TRAPPC9: variants seen among roughly 807,000 people sequenced by gnomAD.
The protein encoded by TRAPPC9 is IKK2 binding protein.
Under a neutral mutation model 124.0 loss-of-function variants are expected in TRAPPC9, and 83 were observed. That is an observed-to-expected ratio of 0.67 (90% CI 0.56 to 0.80). TRAPPC9 has a LOEUF of 0.80. Ranked by LOEUF, TRAPPC9 falls within the 30% of genes least tolerant of loss-of-function variation. The pLI is 0.00. For missense variants in TRAPPC9, 1,302 were observed against 1,508.3 expected (o/e 0.86, Z 2.27); for synonymous variants, 638 against 617.5 (o/e 1.03, Z -0.49).
intron 19 of TRAPPC9, among the ~76,000 whole-genome samples, chr8:139,986,334 G>A (rs1837238722): frequency 1.3e-5 from 2 of 152,176 alleles, no homozygotes; most frequent in South Asian, 4.1e-4. Context: ...AAACATGGAT[G>A]TGGAATGATA....
At chr8:139,823,663 A>G (rs1825414012) in intron 21 of TRAPPC9, among the ~76,000 whole-genome samples, 1 of 152,148 alleles carries the variant, frequency 6.6e-6, no homozygotes, top group South Asian at 2.1e-4. Flanking sequence ...GACCTATAAA[A>G]AGCCTTGTCT....
At chr8:139,763,716 G>A (rs574690403) in intron 21 of TRAPPC9, among the ~76,000 whole-genome samples, 3 of 152,248 alleles carry the variant, frequency 2.0e-5, no homozygotes, top group Non-Finnish European at 4.4e-5. Context: ...GGTAAGCGGG[G>A]ACAGGATAAA....
chr8:139,967,443 G>T (rs1039928208), intron 19 of TRAPPC9, among the ~76,000 whole-genome samples: 2 of 152,246 alleles, frequency 1.3e-5, no homozygotes, highest in African/African-American at 4.8e-5. Context: ...ATCAGGGTTC[G>T]AATGACTCGA....
At chr8:140,191,315 G>C (rs2062487880) in intron 17 of TRAPPC9, among the ~76,000 whole-genome samples, 1 of 152,210 alleles carries the variant, frequency 6.6e-6, no homozygotes, top group African/African-American at 2.4e-5. Flanking sequence ...ACTAATAGTG[G>C]TGAAGTCAGG....
At chr8:140,290,372 C>T (rs937558489) in intron 12 of TRAPPC9, among the ~76,000 whole-genome samples, 6 of 152,214 alleles carry the variant, frequency 3.9e-5, no homozygotes, top group African/African-American at 1.4e-4. Context: ...GGACCTACAT[C>T]GGCATGGGAG....
chr8:140,241,858 G>A lies in TRAPPC9; in HGVS notation c.2431+10919C>T, dbSNP rs758885817. 2.0e-4 allele frequency among the ~76,000 whole-genome samples: 30 copies of A among 152,126 alleles called. No homozygotes were observed. The highest frequency in any genetic ancestry group is 3.7e-4 in the Non-Finnish European group (25 of 68,022). On this transcript the variant is annotated intron_variant, in intron 16 of 22. Coordinates refer to ENST00000438773, the MANE Select transcript of TRAPPC9 (RefSeq NM_001160372.4). This position sits in a 1 kb window ranked among gnomAD's most constrained non-coding sequence, Gnocchi z 5.0. ...GCCTTCCGTCCCTCACTTGCTTAAC[G>A]TATGCCAAGAAGCTGCTCTGACCAG...
At chr8:140,120,488 T>G (rs2060963256) in intron 17 of TRAPPC9, among the ~76,000 whole-genome samples, 1 of 152,224 alleles carries the variant, frequency 6.6e-6, no homozygotes, top group South Asian at 2.1e-4. Flanking sequence ...ACAGCTTTTC[T>G]GCAATACTCT....
chr8:139,748,909 C>T (rs1352299797), intron 21 of TRAPPC9, among the ~76,000 whole-genome samples: 1 of 152,148 alleles, frequency 6.6e-6, no homozygotes, highest in Non-Finnish European at 1.5e-5. Context: ...ATTTCTAGAC[C>T]TTGAACTCTG....
intron 21 of TRAPPC9, among the ~76,000 whole-genome samples, chr8:139,735,196 T>C (rs1430261065): frequency 6.6e-6 from 1 of 152,166 alleles, no homozygotes; most frequent in Non-Finnish European, 1.5e-5. Context: ...CCCCAGGGTA[T>C]GTCACTACAC....
intron 4 of TRAPPC9, among the ~76,000 whole-genome samples, chr8:140,432,035 A>C (rs1368806730): frequency 2.6e-5 from 4 of 152,204 alleles, no homozygotes; most frequent in Non-Finnish European, 5.9e-5. Flanking sequence ...TCCAAATATA[A>C]TGGGCATAGT....
chr8:139,864,466 T>C (rs1828390883), intron 21 of TRAPPC9, among the ~76,000 whole-genome samples: 1 of 152,216 alleles, frequency 6.6e-6, no homozygotes. Flanking sequence ...CTTTTGAAAT[T>C]CATTTTCTCA....
intron 17 of TRAPPC9, among the ~76,000 whole-genome samples, chr8:140,184,503 T>G (rs1179833566): frequency 6.6e-6 from 1 of 152,162 alleles, no homozygotes; most frequent in African/African-American, 2.4e-5. Context: ...TGCCACAACC[T>G]CGGCTCACTG....
intron 18 of TRAPPC9, among the ~76,000 whole-genome samples, chr8:139,992,083 T>C (rs1837686501): frequency 1.3e-5 from 2 of 152,156 alleles, no homozygotes; most frequent in Admixed American, 6.5e-5. Flanking sequence ...AAAAAGATTG[T>C]TGAATAAAAG....
At chr8:140,376,833 C>T (rs1288748662) in intron 7 of TRAPPC9, among the ~76,000 whole-genome samples, 2 of 148,412 alleles carry the variant, frequency 1.3e-5, no homozygotes, top group Non-Finnish European at 3.0e-5. Context: ...ACCGAGATCG[C>T]GCCACTGCAC....
intron 21 of TRAPPC9, among the ~76,000 whole-genome samples, chr8:139,775,758 G>A (rs1366322121): frequency 1.3e-5 from 2 of 152,220 alleles, no homozygotes; most frequent in Non-Finnish European, 2.9e-5. Context: ...ACAAGGTGAA[G>A]CCCAAATTCT....
chr8:140,203,333 G>A (rs774601066), intron 17 of TRAPPC9, among the ~76,000 whole-genome samples: 7 of 152,210 alleles, frequency 4.6e-5, no homozygotes, highest in Admixed American at 6.5e-5. Flanking sequence ...TGATCTCTGG[G>A]CAGGAGGAAT....
At chr8:139,898,000 C>T (rs1004166062) in intron 20 of TRAPPC9, among the ~76,000 whole-genome samples, 3 of 152,196 alleles carry the variant, frequency 2.0e-5, no homozygotes, top group African/African-American at 4.8e-5. Context: ...TGGGGGACGA[C>T]GTAAGGCAGT....
chr8:140,361,425 C>T (rs2067950207), intron 8 of TRAPPC9, among the ~76,000 whole-genome samples: 1 of 152,152 alleles, frequency 6.6e-6, no homozygotes, highest in African/African-American at 2.4e-5. Flanking sequence ...TGGGGTGAAC[C>T]CTCGATGAGA....
At position 139,771,879 on chromosome 8, in the gene TRAPPC9, G is replaced by A. The variant is rs571868222; in HGVS notation, c.3056-39677C>T. Reference sequence around the variant, plus strand: ...GGACACAACACAGGAGCCTGACTCAGTGCCCACAGCCCTCCTGGCTTGCCG... The same window carrying A: ...GGACACAACACAGGAGCCTGACTCAATGCCCACAGCCCTCCTGGCTTGCCG... On this transcript the variant is annotated intron_variant, in intron 21 of 22. Coordinates refer to ENST00000438773, the MANE Select transcript of TRAPPC9 (RefSeq NM_001160372.4). 9.2e-5 allele frequency among the ~76,000 whole-genome samples: 14 copies of A among 152,282 alleles called. No individual in the cohort carries two copies. The East Asian group carries it at 2.7e-3, about 29-fold the overall frequency.
Sources: allele counts gnomAD v4.1 joint callset (sites outside exome capture counted in the v4.1 genomes callset), GRCh38; gene constraint gnomAD v4.1.1; non-coding constraint Gnocchi (gnomAD v3.1); transcripts MANE v1.5; gene names NCBI Gene and HGNC (gene_info 2026-07-23, HGNC 2026-07-21).